PIK3C2G: variants seen among roughly 807,000 people sequenced by gnomAD.
PIK3C2G encodes the protein phosphatidylinositol 3-kinase C2 domain-containing subunit gamma.
Under a neutral mutation model 181.1 loss-of-function variants are expected in PIK3C2G, and 168 were observed. The observed-to-expected ratio is 0.93, with a 90% CI of 0.82 to 1.05. PIK3C2G has a LOEUF of 1.05. Among genes scored for constraint, PIK3C2G ranks in the 50% least tolerant of loss-of-function variants. The probability of loss-of-function intolerance (pLI) is 0.00; values close to 1 mark genes in which losing one functional copy is unlikely to be tolerated. For synonymous variants in PIK3C2G, 573 were observed against 592.2 expected (o/e 0.97, Z 0.47); for missense variants, 1,869 against 1,732.8 (o/e 1.08, Z -1.40).
chr12:18,696,270 A>G, the PIK3C2G span: 1 of 1,396,860 alleles, frequency 7.2e-7, no homozygotes, highest in Non-Finnish European at 1.0e-6. Flanking sequence ...TCATGGACTG[A>G]AAAAGAATAA....
Position 18,453,856 on chromosome 12 carries a change from G to C in PIK3C2G, c.2504+29817G>C, listed in dbSNP as rs114038633. On this transcript the variant is annotated intron_variant, in intron 18 of 32. Coordinates refer to ENST00000538779, the MANE Select transcript of PIK3C2G (RefSeq NM_001288772.2). ...TGACTCACTGTCTAATTTGAATGTT[G>C]TCAGTTATCTATGGTTTAGACTATT... Among the ~76,000 whole-genome samples the C allele has an allele frequency of 7.9e-3, 1,209 of 152,176 alleles. 16 individuals are homozygous for C. The highest frequency in any genetic ancestry group is 0.028 in the African/African-American group (1,150 of 41,524).
rs1008091524 is a variant in PIK3C2G, at chr12:18,603,176, A to G, written c.4088-6359A>G. Among the ~76,000 whole-genome samples the G allele has an allele frequency of 9.9e-5, 15 of 152,212 alleles. 1 individual carries two copies. The South Asian group carries it at 2.5e-3, about 25-fold the overall frequency. ...TTCAAGGAAATAGATATCTTAAAAAACAATCAAATATTCAGGAAACTTCAG... is the reference window on the plus strand; with the variant it reads ...TTCAAGGAAATAGATATCTTAAAAAGCAATCAAATATTCAGGAAACTTCAG... On this transcript the variant is annotated intron_variant, in intron 30 of 32. Coordinates refer to ENST00000538779, the MANE Select transcript of PIK3C2G (RefSeq NM_001288772.2).
intron 26 of PIK3C2G, among the ~76,000 whole-genome samples, chr12:18,559,284 GACA>G: frequency 6.6e-6 from 1 of 152,188 alleles, no homozygotes; most frequent in South Asian, 2.1e-4. Context: ...CAAAAGCTTG[GACA>G]ACATTTATGA....
intron 24 of PIK3C2G, among the ~76,000 whole-genome samples, chr12:18,506,018 G>A (rs1249344320): frequency 3.3e-5 from 5 of 152,188 alleles, no homozygotes; most frequent in African/African-American, 1.2e-4. Flanking sequence ...TTGAGAAAAT[G>A]AGAAGTTATT....
chr12:18,607,129 G>A (rs1291848513), intron 30 of PIK3C2G: 1 of 514,712 alleles, frequency 1.9e-6, no homozygotes, highest in Non-Finnish European at 3.9e-6. Flanking sequence ...GAGAGTTCAG[G>A]GAAAGATGAC....
At chr12:18,560,690 C>T (rs973014135) in intron 26 of PIK3C2G, among the ~76,000 whole-genome samples, 5 of 151,824 alleles carry the variant, frequency 3.3e-5, no homozygotes, top group Admixed American at 6.6e-5. Context: ...ATATATAAAA[C>T]TATATCAAAA....
chr12:18,376,129 A>G (rs1448022745), intron 13 of PIK3C2G, among the ~76,000 whole-genome samples: 1 of 152,188 alleles, frequency 6.6e-6, no homozygotes, highest in East Asian at 1.9e-4. Flanking sequence ...ACTGCATAGT[A>G]GAGATGTGGG....
chr12:18,703,452 A>C, the PIK3C2G span, among the ~76,000 whole-genome samples: 17 of 152,204 alleles, frequency 1.1e-4, no homozygotes, highest in Admixed American at 3.3e-4. Flanking sequence ...CATGTAATAC[A>C]GCTGTTTTTC....
intron 29 of PIK3C2G, among the ~76,000 whole-genome samples, chr12:18,576,146 AAAG>A (rs1946222548): frequency 6.6e-6 from 1 of 152,254 alleles, no homozygotes; most frequent in Non-Finnish European, 1.5e-5. Context: ...AAATTTAGAA[AAAG>A]AAGTTTGAAT....
At chr12:18,627,355 C>T (rs1949148282) in intron 31 of PIK3C2G, among the ~76,000 whole-genome samples, 1 of 151,946 alleles carries the variant, frequency 6.6e-6, no homozygotes, top group Admixed American at 6.6e-5. Context: ...AATTATTTTT[C>T]TGTCATTTCT....
the PIK3C2G span, among the ~76,000 whole-genome samples, chr12:18,671,551 A>G: frequency 2.6e-5 from 4 of 152,180 alleles, no homozygotes; most frequent in South Asian, 2.1e-4. Context: ...TACTCAATTA[A>G]AAATGAAACA....
exon 1 of PIK3C2G, chr12:18,247,811 TTC>T (rs1023461804): frequency 2.0e-5 from 3 of 152,204 alleles, no homozygotes; most frequent in African/African-American, 7.2e-5. Context: ...CCCAGCTTGC[TTC>T]TCTGTGTCTG....
chr12:18,434,670 A>G (rs1425831570), intron 18 of PIK3C2G, among the ~76,000 whole-genome samples: 1 of 152,200 alleles, frequency 6.6e-6, no homozygotes, highest in Non-Finnish European at 1.5e-5. Context: ...ATACAGAAGC[A>G]AAATGCAGTT....
chr12:18,372,574 T>TAAA (rs1942142940), intron 13 of PIK3C2G: 2 of 152,278 alleles, frequency 1.3e-5, no homozygotes, highest in South Asian at 4.1e-4. Flanking sequence ...TTCTCATGAG[T>TAAA]GAGTTTCCTT....
the PIK3C2G span, among the ~76,000 whole-genome samples, chr12:18,708,377 T>C: frequency 1.3e-5 from 2 of 152,240 alleles, no homozygotes; most frequent in Non-Finnish European, 2.9e-5. Context: ...TCATATTCCA[T>C]TGCATATATC....
At chr12:18,435,923 T>G (rs1339621294) in intron 18 of PIK3C2G, among the ~76,000 whole-genome samples, 3 of 151,176 alleles carry the variant, frequency 2.0e-5, no homozygotes, top group African/African-American at 7.3e-5. Flanking sequence ...TTCCTTCACT[T>G]GAAGATACTT....
intron 18 of PIK3C2G, among the ~76,000 whole-genome samples, chr12:18,442,494 TGGA>T (rs925808136): frequency 6.6e-5 from 10 of 152,164 alleles, no homozygotes; most frequent in Non-Finnish European, 1.3e-4. Context: ...TCTTTCGATT[TGGA>T]GGAGATTAGT....
intron 30 of PIK3C2G, among the ~76,000 whole-genome samples, chr12:18,596,982 A>G (rs1290057296): frequency 6.6e-6 from 1 of 152,120 alleles, no homozygotes; most frequent in Non-Finnish European, 1.5e-5. Flanking sequence ...CCATTTTGCT[A>G]TGTTGTATGA....
At chr12:18,695,452 C>G in the PIK3C2G span, among the ~76,000 whole-genome samples, 1 of 152,144 alleles carries the variant, frequency 6.6e-6, no homozygotes, top group Non-Finnish European at 1.5e-5. Context: ...CATAAATTTT[C>G]AAGTCCATGA....
Sources: allele counts gnomAD v4.1 joint callset (sites outside exome capture counted in the v4.1 genomes callset), GRCh38; gene constraint gnomAD v4.1.1; transcripts MANE v1.5; gene names NCBI Gene and HGNC (gene_info 2026-07-23, HGNC 2026-07-21).